PREP: variants seen among roughly 807,000 people sequenced by gnomAD.
PREP encodes the protein dJ355L5.1 (prolyl endopeptidase).
In PREP, 29 loss-of-function variants were observed where a neutral mutation model predicts 87.6. That is an observed-to-expected ratio of 0.33 (90% CI 0.25 to 0.45). The LOEUF (loss-of-function observed/expected upper bound fraction) is 0.45. Ranked by LOEUF, PREP falls within the 20% of genes least tolerant of loss-of-function variation. The pLI is 1.00. For missense variants in PREP, 695 were observed against 886.5 expected, an observed-to-expected ratio of 0.78 and a Z score of 2.74; for synonymous variants, 337 against 328.6, an observed-to-expected ratio of 1.03 and a Z score of -0.28.
At chr6:105,380,390 T>C (rs1045673807) in intron 2 of PREP, among the ~76,000 whole-genome samples, 1 of 152,078 alleles carries the variant, frequency 6.6e-6, no homozygotes, top group Non-Finnish European at 1.5e-5. Context: ...TAGGCAGATA[T>C]GATGTTTCGA....
chr6:105,302,693 A>C, intron 10 of PREP: 1 of 501,110 alleles, frequency 2.0e-6, no homozygotes, highest in South Asian at 1.6e-5. Flanking sequence ...CGGATCTTAG[A>C]GAGCTTGGAG....
At chr6:105,292,156 T>C (rs531567857) in intron 10 of PREP, among the ~76,000 whole-genome samples, 25 of 152,314 alleles carry the variant, frequency 1.6e-4, no homozygotes, top group African/African-American at 6.0e-4. Context: ...CCTCCTCCCA[T>C]GAATCATGAA....
intron 9 of PREP, among the ~76,000 whole-genome samples, chr6:105,328,420 G>C (rs543211929): frequency 6.6e-6 from 1 of 152,220 alleles, no homozygotes; most frequent in African/African-American, 2.4e-5. Context: ...ACCATGCCCA[G>C]CTAATTTTTG....
At chr6:105,366,691 G>A (rs1353943918) in intron 6 of PREP, among the ~76,000 whole-genome samples, 2 of 151,772 alleles carry the variant, frequency 1.3e-5, no homozygotes, top group African/African-American at 4.9e-5. Context: ...CAACCCAAGT[G>A]CCCAGGGATG....
At chr6:105,301,404 G>A (rs993654287) in intron 10 of PREP, among the ~76,000 whole-genome samples, 1 of 152,162 alleles carries the variant, frequency 6.6e-6, no homozygotes, top group African/African-American at 2.4e-5. Context: ...CAAAAGAACT[G>A]GACAGTAGGC....
intron 5 of PREP, among the ~76,000 whole-genome samples, chr6:105,371,752 G>T (rs1021490195): frequency 6.6e-6 from 1 of 152,080 alleles, no homozygotes; most frequent in African/African-American, 2.4e-5. Flanking sequence ...CACATGGTAG[G>T]AATTGCTTAG....
intron 8 of PREP, among the ~76,000 whole-genome samples, chr6:105,331,243 T>A (rs150929576): frequency 3.9e-5 from 6 of 152,192 alleles, no homozygotes; most frequent in African/African-American, 1.4e-4. Context: ...TAGTGAACAC[T>A]GAAGGTTTCC....
At chr6:105,335,301 C>T (rs1771450794) in intron 7 of PREP, among the ~76,000 whole-genome samples, 1 of 152,212 alleles carries the variant, frequency 6.6e-6, no homozygotes, top group Non-Finnish European at 1.5e-5. Context: ...CTCCAATTAT[C>T]TACTTTTAAT....
intron 6 of PREP, among the ~76,000 whole-genome samples, chr6:105,355,213 G>A (rs989321017): frequency 6.6e-6 from 1 of 151,532 alleles, no homozygotes; most frequent in Non-Finnish European, 1.5e-5. Context: ...AGCCTCCCGA[G>A]TAGCTGGGAT....
chr6:105,323,714 C>A lies in PREP; in HGVS notation c.1268G>T (p.Arg423Leu). 1 of 1,613,786 alleles carries A rather than the reference C, an allele frequency of 6.2e-7. No homozygotes were observed. Among genetic ancestry groups the A allele is most frequent in the Non-Finnish European group, 8.5e-7 (1 of 1,179,654 alleles). The change falls in exon 10 of 15, where the codon CGA becomes CTA. Residue 423 changes from arginine (R) to leucine (L), a missense_variant. Arg to Leu is a moderately radical substitution (Grantham distance 102). Around this residue, in one of 5 missense-constraint regions of PREP, gnomAD observed 517 missense variants for 620.3 expected, o/e 0.83. Transcript: ENST00000652536. The stretch of plus-strand genomic sequence containing the variant: ...ATCAATTCCTTTTACGGTCACCTCT[C>A]GGAAAACTCTTGGCTCCAGCTCCTC... ...TKEELEPRVFREVTVKGIDAS... is the reference protein window; with the variant it reads ...TKEELEPRVFLEVTVKGIDAS...
chr6:105,402,751 C>T, intron 1 of PREP, 96 bp downstream of exon 1: 1 of 1,196,292 alleles, frequency 8.4e-7, no homozygotes. Context: ...ACGCGGGGGT[C>T]GAAGGCCTAC....
chr6:105,285,708 ATTTCT>A (rs1770176920), intron 11 of PREP, 128 bp from the exon 12 acceptor site: 1 of 674,970 alleles, frequency 1.5e-6, no homozygotes, highest in African/African-American at 1.8e-5. Flanking sequence ...GGAGCTTGAC[ATTTCT>A]TTTATTGCTT....
Position 105,278,509 on chromosome 6 carries a change from G to GTTAA in PREP, c.1839-75_1839-72dup. The stretch of plus-strand genomic sequence containing the variant: ...GTTTTATGGCACAGGGACCTAGGTA[G>GTTAA]TTAATTAGCAGTGAGGACTGCAGTT... On this transcript the variant is annotated intron_variant, in intron 14 of 14. Coordinates refer to ENST00000652536, the MANE Select transcript of PREP (RefSeq NM_002726.5). The surrounding 1 kb of genome is among the most constrained non-coding windows in gnomAD (Gnocchi z 4.2). 1 of 1,465,004 alleles carries GTTAA rather than the reference G, an allele frequency of 6.8e-7. No individual in the cohort carries two copies. The highest frequency in any genetic ancestry group is 1.3e-5 in the South Asian group (1 of 77,922). The allele number at this position is 1,465,004 out of a possible 1,614,324, so 90.8% of individuals were successfully genotyped here.
chr6:105,372,139 G>C (rs984332347), intron 5 of PREP, among the ~76,000 whole-genome samples: 3 of 151,672 alleles, frequency 2.0e-5, no homozygotes, highest in Admixed American at 2.0e-4. Flanking sequence ...CTAATCAAAA[G>C]GCAGAAAAAG....
intron 7 of PREP, among the ~76,000 whole-genome samples, chr6:105,349,924 C>CAAAAAAAAAAAAAAAAAAAAAAAAAAAA (rs1456684844): frequency 1.1e-5 from 1 of 92,806 alleles, no homozygotes; most frequent in South Asian, 3.8e-4. Context: ...AAAAAAAAAG[C>CAAAAAAAAAAAAAAAAAAAAAAAAAAAA]AAAAAAGATC....
intron 10 of PREP, among the ~76,000 whole-genome samples, chr6:105,289,564 G>A (rs1286109121): frequency 1.3e-5 from 2 of 152,040 alleles, no homozygotes; most frequent in African/African-American, 4.8e-5. Flanking sequence ...TTGAATCTGG[G>A]CTACCTCTGG....
chr6:105,373,918 C>A (rs1772621738), intron 4 of PREP, among the ~76,000 whole-genome samples: 1 of 152,126 alleles, frequency 6.6e-6, no homozygotes, highest in Admixed American at 6.5e-5. Flanking sequence ...TGTCATATTT[C>A]ATTTATACTC....
chr6:105,352,692 C>T (rs1583075339), intron 7 of PREP, among the ~76,000 whole-genome samples: 1 of 152,258 alleles, frequency 6.6e-6, no homozygotes, highest in Middle Eastern at 3.4e-3. Context: ...AAAGGATCAG[C>T]TTCTCCTTCA....
chr6:105,360,483 T>C (rs565417538), intron 6 of PREP, among the ~76,000 whole-genome samples: 2 of 152,284 alleles, frequency 1.3e-5, no homozygotes, highest in East Asian at 3.9e-4. Flanking sequence ...ACATAAGGTA[T>C]GGGGGTATTG....
Sources: allele counts gnomAD v4.1 joint callset (sites outside exome capture counted in the v4.1 genomes callset), GRCh38; gene constraint gnomAD v4.1.1; regional missense constraint gnomAD v4.1.1; non-coding constraint Gnocchi (gnomAD v3.1); transcripts MANE v1.5; gene names NCBI Gene and HGNC (gene_info 2026-07-23, HGNC 2026-07-21).